Variants in ACAA2 observed in about 807,000 individuals in gnomAD.
ACAA2 encodes acetyl-CoA acyltransferase 2, also known as 3-ketoacyl-CoA thiolase, mitochondrial.
A neutral mutation model predicts 44.8 loss-of-function variants in ACAA2; 35 were observed. That is an observed-to-expected ratio of 0.78 (90% CI 0.60 to 1.04). The LOEUF is 1.04. Among genes scored for constraint, ACAA2 ranks in the 50% least tolerant of loss-of-function variants. The pLI is 0.00. For missense variants in ACAA2, 468 were observed against 482.6 expected (o/e 0.97, Z 0.28); for synonymous variants, 142 against 166.5 (o/e 0.85, Z 1.13).
At position 49,810,094 on chromosome 18, in the gene ACAA2, A is replaced by C. The variant is rs143995589; in HGVS notation, c.16+3375T>G. The stretch of plus-strand genomic sequence containing the variant: ...GTAAAAAAACACGGGCAGAACCTCA[A>C]GGACTAACAAGTTACAGTCATAGGA... On this transcript the variant is annotated intron_variant, in intron 1 of 9. Coordinates refer to ENST00000285093, the MANE Select transcript of ACAA2 (RefSeq NM_006111.3). Among the ~76,000 whole-genome samples, 4 of 152,358 alleles carry C rather than the reference A, an allele frequency of 2.6e-5. No individual in the cohort carries two copies. The East Asian group carries it at 7.7e-4, about 29-fold the overall frequency.
At chr18:49,794,885 G>C (rs1179400289) in intron 4 of ACAA2, among the ~76,000 whole-genome samples, 1 of 152,116 alleles carries the variant, frequency 6.6e-6, no homozygotes, top group African/African-American at 2.4e-5. Context: ...AGGAATAGCT[G>C]GTTCTATCGG....
intron 1 of ACAA2, chr18:49,811,590 T>C (rs927447869): frequency 3.3e-5 from 5 of 152,236 alleles, no homozygotes; most frequent in African/African-American, 1.2e-4. Flanking sequence ...TCCTTTTCCC[T>C]ATAATCAGTC....
chr18:49,803,135 A>T (rs1474938965), intron 1 of ACAA2, among the ~76,000 whole-genome samples: 1 of 151,948 alleles, frequency 6.6e-6, no homozygotes, highest in Non-Finnish European at 1.5e-5. Context: ...CCCCTTGCCT[A>T]GTTTATAAAA....
chr18:49,804,484 T>G (rs1165133727), intron 1 of ACAA2, among the ~76,000 whole-genome samples: 1 of 152,196 alleles, frequency 6.6e-6, no homozygotes, highest in Non-Finnish European at 1.5e-5. Flanking sequence ...TCAGCTAACC[T>G]GTAAGTCCCC....
intron 1 of ACAA2, among the ~76,000 whole-genome samples, chr18:49,804,101 G>A (rs910918879): frequency 1.3e-5 from 2 of 152,020 alleles, no homozygotes; most frequent in African/African-American, 2.4e-5. Flanking sequence ...AGTAGAGACG[G>A]GGTTTCACCA....
chr18:49,785,412 G>T, intron 8 of ACAA2, 61 bp from the exon 9 acceptor site: 2 of 1,542,454 alleles, frequency 1.3e-6, no homozygotes, highest in Non-Finnish European at 1.8e-6. Context: ...TTTTAAATGA[G>T]AATGGTCCAG....
chr18:49,799,795 C>T (rs1353239960), intron 2 of ACAA2, among the ~76,000 whole-genome samples: 3 of 149,246 alleles, frequency 2.0e-5, no homozygotes, highest in Admixed American at 1.3e-4. Context: ...GCCGCCATCC[C>T]GTCTAGGAGG....
At chr18:49,791,965 A>G (rs1371544167) in intron 6 of ACAA2, among the ~76,000 whole-genome samples, 187 bp downstream of exon 6, 2 of 152,242 alleles carry the variant, frequency 1.3e-5, no homozygotes, top group Admixed American at 6.5e-5. Context: ...TCAGAAGAGT[A>G]TTATATAAAT....
chr18:49,785,128 G>C, intron 9 of ACAA2, 69 bp downstream of exon 9: 1 of 1,553,366 alleles, frequency 6.4e-7, no homozygotes, highest in South Asian at 1.2e-5. Context: ...GAGTGTTCTG[G>C]GGAAGCCTAA....
chr18:49,804,459 C>T (rs1396967601), intron 1 of ACAA2, among the ~76,000 whole-genome samples: 2 of 152,182 alleles, frequency 1.3e-5, no homozygotes, highest in Non-Finnish European at 2.9e-5. Context: ...TATCCCCCAC[C>T]TCCAGTATCT....
At chr18:49,800,236 C>G (rs1333989984) in intron 2 of ACAA2, among the ~76,000 whole-genome samples, 4 of 146,216 alleles carry the variant, frequency 2.7e-5, no homozygotes, top group African/African-American at 1.0e-4. Context: ...GTCAGCCCCC[C>G]GCCCGGCCAG....
chr18:49,797,944 T>C (rs928021621), intron 2 of ACAA2, among the ~76,000 whole-genome samples: 3 of 152,198 alleles, frequency 2.0e-5, no homozygotes, highest in African/African-American at 7.2e-5. Context: ...TTAAAGATAA[T>C]TGCTACTTAG....
intron 1 of ACAA2, among the ~76,000 whole-genome samples, chr18:49,810,196 A>C (rs1333989403): frequency 6.6e-6 from 1 of 152,182 alleles, no homozygotes; most frequent in Non-Finnish European, 1.5e-5. Flanking sequence ...AAAAAACATA[A>C]ATTTGTATAT....
Position 49,787,637 on chromosome 18 carries a change from C to T in ACAA2, c.884-276G>A, listed in dbSNP as rs559601003. ...CCTCCTGGGCAACACAGCAAGACCCCATCTCTAAAAAAGAAAAAAAATAAT... is the reference window on the plus strand; with the variant it reads ...CCTCCTGGGCAACACAGCAAGACCCTATCTCTAAAAAAGAAAAAAAATAAT... On this transcript the variant is annotated intron_variant, in intron 7 of 9. Transcript: ENST00000285093. Among the ~76,000 whole-genome samples, 57 of 151,786 alleles carry T rather than the reference C, an allele frequency of 3.8e-4. 1 individual carries two copies. The highest frequency in any genetic ancestry group is 1.3e-3 in the African/African-American group (54 of 41,420).
chr18:49,797,514 A>G lies in ACAA2; in HGVS notation c.264T>C (p.Ile88=), dbSNP rs778400604. The G allele has an allele frequency of 1.2e-6, 2 of 1,612,052 alleles. No homozygotes were observed. Among genetic ancestry groups the G allele is most frequent in the Admixed American group, 1.7e-5 (1 of 59,962 alleles). The change falls in exon 3 of 10, where the codon ATT becomes ATC. Residue 88 remains isoleucine (I), a synonymous_variant. Transcript: ENST00000285093. ...GIPKETPALT[I]NRLCGSGFQS... ...GAAAACCAGAACCACAGAGCCTATT[A>G]ATCGTGAGAGCTGGGGTCTCCTTTG...
chr18:49,793,431 A>G (rs1410187178), intron 5 of ACAA2, among the ~76,000 whole-genome samples: 2 of 152,236 alleles, frequency 1.3e-5, no homozygotes, highest in African/African-American at 2.4e-5. Flanking sequence ...AATAAATGAT[A>G]TGACTGAGCT....
chr18:49,792,387 A>C (rs933802478), intron 5 of ACAA2, 60 bp from the exon 6 acceptor site: 2 of 1,384,992 alleles, frequency 1.4e-6, no homozygotes. Context: ...AAATAAATCA[A>C]ACATATTATT....
chr18:49,787,409 T>A, intron 7 of ACAA2, 48 bp from the exon 8 acceptor site: 2 of 1,257,402 alleles, frequency 1.6e-6, no homozygotes, highest in Non-Finnish European at 2.1e-6. Context: ...ATAAATGTCA[T>A]CTTATATTTA....
At chr18:49,803,803 CA>C (rs1276981267) in intron 1 of ACAA2, among the ~76,000 whole-genome samples, 2 of 151,960 alleles carry the variant, frequency 1.3e-5, no homozygotes, top group Admixed American at 6.6e-5. Flanking sequence ...AAATTCCTGA[CA>C]AAAGGTTCTC....
Sources: gnomAD v4.1 joint callset for allele counts (sites outside exome capture counted in the v4.1 genomes callset) on GRCh38, gnomAD v4.1.1 for gene constraint, MANE v1.5 for transcripts, NCBI Gene and HGNC (gene_info 2026-07-23, HGNC 2026-07-21) for gene names.